The following DSCAM variants were observed in gnomAD, a reference collection of about 807,000 sequenced individuals.
DSCAM encodes the protein DS cell adhesion molecule, also known as cell adhesion molecule DSCAM.
In DSCAM, 47 loss-of-function variants were observed where a neutral mutation model predicts 217.7. That is an observed-to-expected ratio of 0.22 (90% CI 0.17 to 0.28). The LOEUF is 0.28. Among genes scored for constraint, DSCAM ranks in the 10% least tolerant of loss-of-function variants. The pLI is 1.00. For missense variants in DSCAM, 2,080 were observed against 2,618.3 expected, an observed-to-expected ratio of 0.79 and a Z score of 4.49; for synonymous variants, 1,056 against 1,015.3, an observed-to-expected ratio of 1.04 and a Z score of -0.76.
intron 32 of DSCAM, among the ~76,000 whole-genome samples, chr21:40,017,554 G>A (rs2088180900): frequency 7.8e-6 from 1 of 128,352 alleles, no homozygotes; most frequent in South Asian, 2.4e-4. Context: ...GACAATAAAT[G>A]GGCCATAACA....
At chr21:40,447,358 C>G (rs1052032382) in intron 3 of DSCAM, among the ~76,000 whole-genome samples, 2 of 152,188 alleles carry the variant, frequency 1.3e-5, no homozygotes, top group Non-Finnish European at 2.9e-5. Flanking sequence ...AGACCACGAA[C>G]AAACTAAAAT....
At chr21:40,017,934 G>A (rs1390146361) in intron 32 of DSCAM, among the ~76,000 whole-genome samples, 1 of 152,298 alleles carries the variant, frequency 6.6e-6, no homozygotes, top group Non-Finnish European at 1.5e-5. Flanking sequence ...CTGAACTTTG[G>A]CTTAGAAAAA....
At chr21:40,108,409 C>A (rs559483485) in intron 20 of DSCAM, among the ~76,000 whole-genome samples, 1 of 152,200 alleles carries the variant, frequency 6.6e-6, no homozygotes, top group South Asian at 2.1e-4. Context: ...ACAACTGCCA[C>A]AAAAAGAATA....
rs539671707 is a variant in DSCAM, at chr21:40,609,202, G to A, written c.508+83608C>T. 6.6e-5 allele frequency among the ~76,000 whole-genome samples: 10 copies of A among 152,286 alleles called. No individual in the cohort carries two copies. The South Asian group carries it at 2.1e-3, about 32-fold the overall frequency. ...ACTCCTGGACTCAAGTCATCTACCT[G>A]CCTTGGCCTCACAAAGTGCTGGTAC... is the stretch of plus-strand genomic sequence containing the variant. On this transcript the variant is annotated intron_variant, in intron 3 of 32. Transcript: ENST00000400454.
At position 40,090,388 on chromosome 21, in the gene DSCAM, C is replaced by T. The variant is rs148235000; in HGVS notation, c.3851-3101G>A. ...AGGAATGTTCTGCCCAGTCAGCCTG[C>T]CCCTCACCTCCTACCCACTTTCTCA... On this transcript the variant is annotated intron_variant, in intron 21 of 32. Coordinates refer to ENST00000400454, the MANE Select transcript of DSCAM (RefSeq NM_001389.5). Among the ~76,000 whole-genome samples the T allele has an allele frequency of 4.4e-3, 674 of 152,164 alleles. 1 individual carries two copies. The highest frequency in any genetic ancestry group is 7.0e-3 in the Non-Finnish European group (479 of 68,000).
In DSCAM at chr21:40,053,444, G is replaced by A. The variant is rs193135828; in HGVS notation, c.5036-1337C>T. On this transcript the variant is annotated intron_variant, in intron 29 of 32. Transcript: ENST00000400454. ...TCTACATTTGTTTTTCATTAATGAT[G>A]GGATATGTCACAGTTTCTAGCAGGC... Among the ~76,000 whole-genome samples the A allele has an allele frequency of 1.0e-3, 156 of 152,306 alleles. 2 individuals are homozygous for A. Among genetic ancestry groups the A allele is most frequent in the East Asian group, 5.8e-4 (3 of 5,184 alleles).
chr21:40,748,668 C>T (rs1383666700), intron 1 of DSCAM, among the ~76,000 whole-genome samples: 3 of 152,024 alleles, frequency 2.0e-5, no homozygotes, highest in Non-Finnish European at 4.4e-5. Flanking sequence ...AAGTGATCTA[C>T]AGATTTAATG....
At chr21:40,361,639 C>A (rs889267450) in intron 4 of DSCAM, among the ~76,000 whole-genome samples, 9 of 151,870 alleles carry the variant, frequency 5.9e-5, no homozygotes, top group African/African-American at 2.2e-4. Flanking sequence ...AACAAACAAA[C>A]AAACAACAAC....
chr21:40,841,644 T>A (rs762683083), intron 1 of DSCAM, among the ~76,000 whole-genome samples: 1 of 152,020 alleles, frequency 6.6e-6, no homozygotes, highest in Non-Finnish European at 1.5e-5. Context: ...CACGTCAGCA[T>A]CACCCCTGTC....
At chr21:40,723,667 T>G (rs2146511762) in intron 1 of DSCAM, among the ~76,000 whole-genome samples, 1 of 152,334 alleles carries the variant, frequency 6.6e-6, no homozygotes, top group African/African-American at 2.4e-5. Flanking sequence ...GTTTTCATAC[T>G]ACATATAACT....
At position 40,698,249 on chromosome 21, in the gene DSCAM, G is replaced by A. The variant is rs555680402; in HGVS notation, c.362-5293C>T. On this transcript the variant is annotated intron_variant, in intron 2 of 32. Coordinates refer to ENST00000400454, the MANE Select transcript of DSCAM (RefSeq NM_001389.5). ...CATTTTCAAGGCATAATAAATCTAA[G>A]CACTGGCAGCCAGCCTGCAGATGTA... Among the ~76,000 whole-genome samples the A allele has an allele frequency of 4.6e-5, 7 of 152,276 alleles. No homozygotes were observed. The South Asian group carries it at 1.5e-3, about 32-fold the overall frequency.
chr21:40,819,229 A>C (rs1447601769), intron 1 of DSCAM, among the ~76,000 whole-genome samples: 3 of 152,216 alleles, frequency 2.0e-5, no homozygotes, highest in Non-Finnish European at 4.4e-5. Flanking sequence ...CAAAAGGCAG[A>C]CTCAAGTGAC....
chr21:40,399,588 C>T (rs1338307756), intron 3 of DSCAM, among the ~76,000 whole-genome samples: 1 of 152,194 alleles, frequency 6.6e-6, no homozygotes, highest in Non-Finnish European at 1.5e-5. Flanking sequence ...CGTATCTTCT[C>T]TGCATGTGCC....
intron 3 of DSCAM, among the ~76,000 whole-genome samples, chr21:40,672,927 G>A (rs775646329): frequency 6.6e-6 from 1 of 152,056 alleles, no homozygotes; most frequent in Admixed American, 6.6e-5. Context: ...GTCATCTAAT[G>A]GTATGTTTGC....
At chr21:40,070,368 G>T (rs2089276183) in intron 27 of DSCAM, among the ~76,000 whole-genome samples, 1 of 120,686 alleles carries the variant, frequency 8.3e-6, no homozygotes, top group African/African-American at 3.6e-5. Flanking sequence ...AAGGAGGGAG[G>T]GAAGGAGAGA....
At chr21:40,058,353 C>A (rs955178171) in intron 28 of DSCAM, among the ~76,000 whole-genome samples, 16 of 152,112 alleles carry the variant, frequency 1.1e-4, no homozygotes, top group African/African-American at 3.9e-4. Flanking sequence ...GTCCTGTCCC[C>A]ATTCTCTGTT....
At chr21:40,585,419 CAAAAAAAAAA>C (rs71186946) in intron 3 of DSCAM, among the ~76,000 whole-genome samples, 20 of 87,010 alleles carry the variant, frequency 2.3e-4, no homozygotes, top group African/African-American at 7.6e-4. Flanking sequence ...GACTCCGTCT[CAAAAAAAAAA>C]AAAAAAAAAA....
At chr21:40,303,006 A>C (rs2074033171) in intron 9 of DSCAM, among the ~76,000 whole-genome samples, 1 of 152,168 alleles carries the variant, frequency 6.6e-6, no homozygotes, top group Admixed American at 6.5e-5. Flanking sequence ...TTTCCAAAGA[A>C]TGAATTTAGG....
intron 3 of DSCAM, 79 bp from the exon 4 acceptor site, chr21:40,369,324 T>C: frequency 6.9e-7 from 1 of 1,446,098 alleles, no homozygotes; most frequent in South Asian, 1.4e-5. Context: ...CTTAAACAGT[T>C]TTTTTTTTCC....
Sources: gnomAD v4.1 joint callset for allele counts (sites outside exome capture counted in the v4.1 genomes callset) on GRCh38, gnomAD v4.1.1 for gene constraint, MANE v1.5 for transcripts, NCBI Gene and HGNC (gene_info 2026-07-23, HGNC 2026-07-21) for gene names.